The following CATSPERT variants were observed in gnomAD, a reference collection of about 807,000 sequenced individuals.
CATSPERT encodes catsper channel auxiliary subunit tau.
At chr2:201,517,897 G>C in the CATSPERT span, among the ~76,000 whole-genome samples, 1 of 152,218 alleles carries the variant, frequency 6.6e-6, no homozygotes, top group African/African-American at 2.4e-5. Context: ...CTTGCTACTA[G>C]TTACTCAAGG....
chr2:201,563,469 A>C, the CATSPERT span, among the ~76,000 whole-genome samples: 6 of 69,584 alleles, frequency 8.6e-5, no homozygotes, highest in South Asian at 1.3e-3. Flanking sequence ...CGGGGGGCTG[A>C]CCCCCCACCT....
At chr2:201,601,963 G>A in the CATSPERT span, 31 of 1,041,532 alleles carry the variant, frequency 3.0e-5, 1 homozygote, top group African/African-American at 3.8e-4. Flanking sequence ...TACATTAAAC[G>A]ATTCAGACCA....
chr2:201,551,495 A>T, the CATSPERT span, among the ~76,000 whole-genome samples: 1 of 152,224 alleles, frequency 6.6e-6, no homozygotes, highest in Non-Finnish European at 1.5e-5. Flanking sequence ...ATGCAAACAA[A>T]TGTAAAGATA....
chr2:201,560,390 T>A, the CATSPERT span, among the ~76,000 whole-genome samples: 1 of 151,046 alleles, frequency 6.6e-6, no homozygotes, highest in Non-Finnish European at 1.5e-5. Context: ...ACCACTGCAC[T>A]CCAGCCTGGG....
chr2:201,538,131 CATCATCT>C, the CATSPERT span, among the ~76,000 whole-genome samples: 1 of 152,140 alleles, frequency 6.6e-6, no homozygotes, highest in East Asian at 1.9e-4. Context: ...TCTAGAACTT[CATCATCT>C]TGCATAACTT....
the CATSPERT span, among the ~76,000 whole-genome samples, chr2:201,593,631 C>T: frequency 6.1e-5 from 9 of 147,766 alleles, no homozygotes; most frequent in African/African-American, 2.3e-4. Context: ...TTGTAGGTCA[C>T]TCAGGACTTG....
chr2:201,584,524 C>T, the CATSPERT span, among the ~76,000 whole-genome samples: 1 of 151,406 alleles, frequency 6.6e-6, no homozygotes, highest in Admixed American at 6.6e-5. Flanking sequence ...GTGGCTCATG[C>T]CTGTAATCCC....
At chr2:201,590,352 A>G in the CATSPERT span, among the ~76,000 whole-genome samples, 1 of 151,970 alleles carries the variant, frequency 6.6e-6, no homozygotes, top group Non-Finnish European at 1.5e-5. Context: ...TCCATGGTGT[A>G]TATGTGCCAC....
At chr2:201,595,906 CA>C in the CATSPERT span, among the ~76,000 whole-genome samples, 7,733 of 141,662 alleles carry the variant, frequency 0.055, 203 homozygotes, top group African/African-American at 0.091. Flanking sequence ...ACTAAAAACT[CA>C]AAAAAAAAAA....
chr2:201,489,448 A>G, the CATSPERT span, among the ~76,000 whole-genome samples: 1 of 152,184 alleles, frequency 6.6e-6, no homozygotes, highest in African/African-American at 2.4e-5. Flanking sequence ...TTCCGAATTT[A>G]GATAGAAAAG....
chr2:201,610,675 A>C, the CATSPERT span, among the ~76,000 whole-genome samples: 1 of 152,196 alleles, frequency 6.6e-6, no homozygotes, highest in African/African-American at 2.4e-5. Flanking sequence ...AGAAATCTAT[A>C]GGTCAATATC....
chr2:201,618,760 A>G, the CATSPERT span: 2 of 462,040 alleles, frequency 4.3e-6, no homozygotes, highest in Non-Finnish European at 3.7e-6. Flanking sequence ...ACGAAAAAAA[A>G]AAGGATTAAA....
the CATSPERT span, among the ~76,000 whole-genome samples, chr2:201,561,707 A>G: frequency 6.6e-6 from 1 of 152,068 alleles, no homozygotes; most frequent in Non-Finnish European, 1.5e-5. Flanking sequence ...CCCCATCTCC[A>G]CTAAAAGTAC....
chr2:201,523,922 A>C, the CATSPERT span, among the ~76,000 whole-genome samples: 18 of 152,222 alleles, frequency 1.2e-4, no homozygotes, highest in African/African-American at 4.3e-4. Flanking sequence ...AGTTCTTTGA[A>C]TTAATTTAGT....
At chr2:201,618,502 T>C in the CATSPERT span, among the ~76,000 whole-genome samples, 2 of 144,210 alleles carry the variant, frequency 1.4e-5, no homozygotes, top group Non-Finnish European at 3.0e-5. Context: ...TAGGTGGGAA[T>C]TGAACAATGA....
At chr2:201,615,846 T>C in the CATSPERT span, among the ~76,000 whole-genome samples, 4 of 152,030 alleles carry the variant, frequency 2.6e-5, no homozygotes, top group South Asian at 8.3e-4. Flanking sequence ...AAGAATCAAA[T>C]AGACACAGTA....
At chr2:201,558,573 A>G in the CATSPERT span, among the ~76,000 whole-genome samples, 1 of 152,188 alleles carries the variant, frequency 6.6e-6, no homozygotes. Flanking sequence ...AGGTTAGCAG[A>G]ATATCCCCAC....
At chr2:201,502,649 C>G in the CATSPERT span, among the ~76,000 whole-genome samples, 1 of 150,840 alleles carries the variant, frequency 6.6e-6, no homozygotes, top group Non-Finnish European at 1.5e-5. Flanking sequence ...AAATAATGTG[C>G]CTTTTGCCCC....
At chr2:201,603,698 T>A in the CATSPERT span, among the ~76,000 whole-genome samples, 10,313 of 152,298 alleles carry the variant, frequency 0.068, 506 homozygotes, top group African/African-American at 0.13. Flanking sequence ...CAGCAATGAT[T>A]CATTGGCTAT....
Sources: gnomAD v4.1 joint callset for allele counts (sites outside exome capture counted in the v4.1 genomes callset) on GRCh38, gnomAD v4.1.1 for gene constraint, MANE v1.5 for transcripts, NCBI Gene and HGNC (gene_info 2026-07-23, HGNC 2026-07-21) for gene names.